Variants in RXRA observed in about 807,000 individuals in gnomAD.
RXRA encodes retinoid X receptor alpha, also known as retinoic acid receptor RXR-alpha.
RXRA carries 5 observed loss-of-function variants against 44.5 expected under a neutral mutation model. The ratio of observed to expected loss-of-function variants is 0.11; its 90% confidence interval spans 0.06 to 0.24. The LOEUF (loss-of-function observed/expected upper bound fraction) is 0.24. Among genes scored for constraint, RXRA ranks in the 10% least tolerant of loss-of-function variants. The pLI is 1.00. For missense variants in RXRA, 412 were observed against 646.5 expected (o/e 0.64, Z 3.93); for synonymous variants, 291 against 271.4 (o/e 1.07, Z -0.71).
Position 134,343,447 on chromosome 9 carries a change from C to T in RXRA, c.28+16788C>T, listed in dbSNP as rs916685195. Among the ~76,000 whole-genome samples, 10 of 151,996 alleles carry T rather than the reference C, an allele frequency of 6.6e-5. No homozygotes were observed. The highest frequency in any genetic ancestry group is 1.5e-4 in the African/African-American group (6 of 41,370). On this transcript the variant is annotated intron_variant, in intron 1 of 9. Coordinates refer to ENST00000481739, the MANE Select transcript of RXRA (RefSeq NM_002957.6). This position sits in a 1 kb window ranked among gnomAD's most constrained non-coding sequence, Gnocchi z 4.1. The stretch of plus-strand genomic sequence containing the variant: ...ATCCTGCAGCCCCTGGAATAGGGGG[C>T]GCTCAGTGTAGGGCAAAGGAACGTG...
intron 1 of RXRA, among the ~76,000 whole-genome samples, chr9:134,363,832 G>A (rs879195514): frequency 3.3e-5 from 5 of 152,212 alleles, no homozygotes; most frequent in African/African-American, 7.2e-5. Flanking sequence ...GAGGCGTGAC[G>A]TGGGTCTCCT....
intron 1 of RXRA, among the ~76,000 whole-genome samples, chr9:134,381,432 C>T (rs1362353185): frequency 6.6e-6 from 1 of 152,146 alleles, no homozygotes; most frequent in East Asian, 1.9e-4. Flanking sequence ...TTCTAACTGT[C>T]TGAGCGGGAG....
At chr9:134,422,951 T>C (rs1443618586) in intron 6 of RXRA, 1 of 985,338 alleles carries the variant, frequency 1.0e-6, no homozygotes, top group Non-Finnish European at 1.2e-6. Flanking sequence ...GTAATGGTGG[T>C]GCACAGAGCC....
rs148526389 is a variant in RXRA at position 134,359,026 on chromosome 9, G to T, written c.28+32367G>T. 6.9e-3 allele frequency among the ~76,000 whole-genome samples: 1,052 copies of T among 152,340 alleles called. 10 individuals are homozygous for T. The highest frequency in any genetic ancestry group is 0.024 in the African/African-American group (981 of 41,576). On this transcript the variant is annotated intron_variant, in intron 1 of 9. Transcript: ENST00000481739. ...CAACAGGGTCCAGGGAGCATTCATG[G>T]AACAGCTGCTGGGGGCTGCCGTGTG...
chr9:134,413,492 C>T (rs2119169519), intron 4 of RXRA, among the ~76,000 whole-genome samples: 1 of 152,286 alleles, frequency 6.6e-6, no homozygotes, highest in South Asian at 2.1e-4. Context: ...TGCTGTGTGG[C>T]CTCTGGCGCT....
At chr9:134,372,743 G>A (rs1014807186) in intron 1 of RXRA, among the ~76,000 whole-genome samples, 1 of 152,238 alleles carries the variant, frequency 6.6e-6, no homozygotes, top group Admixed American at 6.5e-5. Flanking sequence ...CCACCTCAGA[G>A]GGTGGCAGCA....
At chr9:134,412,820 G>A (rs978916823) in intron 4 of RXRA, among the ~76,000 whole-genome samples, 6 of 152,160 alleles carry the variant, frequency 3.9e-5, no homozygotes, top group African/African-American at 4.8e-5. Context: ...CAGGGTCGTC[G>A]GGGGAGACAT....
intron 1 of RXRA, among the ~76,000 whole-genome samples, chr9:134,377,268 A>G (rs1161316826): frequency 1.3e-5 from 2 of 152,178 alleles, no homozygotes; most frequent in Admixed American, 1.3e-4. Flanking sequence ...TGGGTCCTTG[A>G]TGGCGAGCTG....
At chr9:134,328,635 G>A (rs536413258) in intron 1 of RXRA, among the ~76,000 whole-genome samples, 3 of 152,300 alleles carry the variant, frequency 2.0e-5, no homozygotes, top group South Asian at 4.1e-4. Flanking sequence ...CAGAGCAGTC[G>A]AAGGTCCATT....
chr9:134,378,716 C>T (rs977774751), intron 1 of RXRA, among the ~76,000 whole-genome samples: 4 of 152,170 alleles, frequency 2.6e-5, no homozygotes, highest in African/African-American at 4.8e-5. Flanking sequence ...CAGCGCGTGC[C>T]GTCCGGTTGC....
At chr9:134,379,684 C>G in intron 1 of RXRA, 1 of 985,404 alleles carries the variant, frequency 1.0e-6, no homozygotes. Flanking sequence ...CAGGACAGCC[C>G]CAGTATGCGG....
intron 4 of RXRA, among the ~76,000 whole-genome samples, chr9:134,414,574 G>A (rs1789617909): frequency 6.6e-6 from 1 of 152,266 alleles, no homozygotes; most frequent in Non-Finnish European, 1.5e-5. Flanking sequence ...GCTCTGTGGG[G>A]CTGGGGTTGT....
chr9:134,387,135 G>T (rs1326530266), intron 1 of RXRA, among the ~76,000 whole-genome samples: 4 of 152,232 alleles, frequency 2.6e-5, no homozygotes, highest in African/African-American at 9.6e-5. Flanking sequence ...CAGGGAGTGA[G>T]GGGGCTGAGT....
chr9:134,424,935 C>A, intron 6 of RXRA: 1 of 985,476 alleles, frequency 1.0e-6, no homozygotes, highest in South Asian at 4.7e-5. Flanking sequence ...AGTGCTCCCC[C>A]ATTATGTCCC....
intron 1 of RXRA, among the ~76,000 whole-genome samples, chr9:134,339,437 G>A (rs1166562322): frequency 1.3e-5 from 2 of 151,756 alleles, no homozygotes; most frequent in Non-Finnish European, 2.9e-5. Flanking sequence ...TGGGTGCCAT[G>A]CCTGTGTGAG....
chr9:134,413,426 G>C (rs889807119), intron 4 of RXRA, among the ~76,000 whole-genome samples: 1 of 152,174 alleles, frequency 6.6e-6, no homozygotes. Context: ...CTGATGCCTT[G>C]CTCTAGGTTG....
chr9:134,326,893 G>A (rs111439809), intron 1 of RXRA, among the ~76,000 whole-genome samples: 1 of 148,990 alleles, frequency 6.7e-6, no homozygotes. Flanking sequence ...GGGGCCGGGG[G>A]GCGGGTGGCA....
chr9:134,426,472 CAG>C lies in RXRA; in HGVS notation c.911-2635_911-2634del, dbSNP rs1369076820. 3.0e-6 allele frequency: 3 copies of C among 985,304 alleles called. No homozygotes were observed. The highest frequency in any genetic ancestry group is 1.2e-6 in the Non-Finnish European group (1 of 829,924). 61.0% of individuals were successfully genotyped at this position (985,304 alleles called of 1,614,324 possible). A position where few individuals can be genotyped will look rare whatever the true frequency, so the allele number is the denominator to read the frequency against. On this transcript the variant is annotated intron_variant, in intron 6 of 9. Coordinates refer to ENST00000481739, the MANE Select transcript of RXRA (RefSeq NM_002957.6). This position sits in a 1 kb window ranked among gnomAD's most constrained non-coding sequence, Gnocchi z 4.6. ...GACATCGGGGTGGAGGGACAGGGGA[CAG>C]GGGAGCTGAGATGCAGCCGGCGTGC...
chr9:134,422,305 C>G, intron 6 of RXRA: 3 of 1,286,606 alleles, frequency 2.3e-6, no homozygotes, highest in Non-Finnish European at 3.0e-6. Context: ...GGGACGCTCC[C>G]CTTTCCCGGG....
Sources: gnomAD v4.1 joint callset for allele counts (sites outside exome capture counted in the v4.1 genomes callset) on GRCh38, gnomAD v4.1.1 for gene constraint, Gnocchi (gnomAD v3.1) non-coding constraint, MANE v1.5 for transcripts, NCBI Gene and HGNC (gene_info 2026-07-23, HGNC 2026-07-21) for gene names.